Variants in PRDM16 observed in about 807,000 individuals in gnomAD.
The protein encoded by PRDM16 is histone-lysine N-methyltransferase PRDM16.
In PRDM16, 23 loss-of-function variants were observed where a neutral mutation model predicts 110.6. The observed-to-expected ratio is 0.21, with a 90% CI of 0.15 to 0.29. The LOEUF is 0.29. Among genes scored for constraint, PRDM16 ranks in the 10% least tolerant of loss-of-function variants. The probability of loss-of-function intolerance (pLI) is 1.00; values close to 1 mark genes in which losing one functional copy is unlikely to be tolerated. For synonymous variants in PRDM16, 799 were observed against 781.8 expected (o/e 1.02, Z -0.37); for missense variants, 1,615 against 1,794.3 (o/e 0.90, Z 1.81).
chr1:3,273,817 AGTGTGTGTGT>A (rs57550885), intron 3 of PRDM16, among the ~76,000 whole-genome samples: 120 of 137,078 alleles, frequency 8.8e-4, no homozygotes, highest in Admixed American at 3.9e-3. Context: ...TAGGCATGTA[AGTGTGTGTGT>A]GTGTGTGTGT....
In PRDM16 at chr1:3,411,741, C is replaced by G; in HGVS notation, c.1544C>G (p.Pro515Arg). ...PTFPALTPGF[P>R]GIFPPSLYPR... ...TTCCCCGCACTCACCCCCGGCTTCC[C>G]GGGCATCTTCCCTCCATCCTTGTAC... The change falls in exon 9 of 17, where the codon CCG becomes CGG. Residue 515 changes from proline (P) to arginine (R), a missense_variant. By Grantham distance (103) the Pro-to-Arg change is moderately radical (BLOSUM62 -2). This residue lies in a region of PRDM16 where 772 missense variants were observed against 748.3 expected (regional missense o/e 1.03). Transcript: ENST00000270722. 1 of 1,611,672 alleles carries G rather than the reference C, an allele frequency of 6.2e-7. No individual in the cohort carries two copies. Among genetic ancestry groups the G allele is most frequent in the South Asian group, 1.1e-5 (1 of 90,814 alleles).
At chr1:3,367,846 G>A (rs1339041623) in intron 3 of PRDM16, among the ~76,000 whole-genome samples, 1 of 152,106 alleles carries the variant, frequency 6.6e-6, no homozygotes. Context: ...AAATCGAAAA[G>A]GCAAGCTTGT....
chr1:3,424,214 C>T (rs970049577), intron 12 of PRDM16, among the ~76,000 whole-genome samples: 8 of 152,238 alleles, frequency 5.3e-5, no homozygotes, highest in Non-Finnish European at 8.8e-5. Flanking sequence ...TCCCCCTCTT[C>T]GTTTCAGGCA....
At position 3,213,076 on chromosome 1, in the gene PRDM16, C is replaced by G. The variant is rs1246045054; in HGVS notation, c.387+26602C>G. Among the ~76,000 whole-genome samples, 2 of 152,214 alleles carry G rather than the reference C, an allele frequency of 1.3e-5. No homozygotes were observed. Among genetic ancestry groups the G allele is most frequent in the Admixed American group, 6.5e-5 (1 of 15,280 alleles). On this transcript the variant is annotated intron_variant, in intron 2 of 16. Coordinates refer to ENST00000270722, the MANE Select transcript of PRDM16 (RefSeq NM_022114.4). The surrounding 1 kb of genome is among the most constrained non-coding windows in gnomAD (Gnocchi z 5.3). ...GCTCGCCCGCCTGCCGCACGCTTCCCCGGGAGGCCGAGCTCAGGAAGACGC... is the reference window on the plus strand; with the variant it reads ...GCTCGCCCGCCTGCCGCACGCTTCCGCGGGAGGCCGAGCTCAGGAAGACGC...
At chr1:3,429,259 G>T (rs976077706) in intron 14 of PRDM16, among the ~76,000 whole-genome samples, 4 of 152,240 alleles carry the variant, frequency 2.6e-5, no homozygotes, top group African/African-American at 9.6e-5. Context: ...GGCAGCTCTG[G>T]GAAACTGACT....
At chr1:3,273,441 T>C (rs1364971627) in intron 3 of PRDM16, among the ~76,000 whole-genome samples, 1 of 88,140 alleles carries the variant, frequency 1.1e-5, no homozygotes, top group Non-Finnish European at 2.0e-5. Context: ...CGTGCACATG[T>C]GTGTGTGTGG....
chr1:3,338,528 G>A (rs766809667), intron 3 of PRDM16, among the ~76,000 whole-genome samples: 3 of 152,188 alleles, frequency 2.0e-5, no homozygotes, highest in African/African-American at 7.2e-5. Context: ...CGGGGTGCCC[G>A]GGGAAAGCCG....
intron 1 of PRDM16, among the ~76,000 whole-genome samples, chr1:3,118,369 C>G (rs1569601491): frequency 2.0e-5 from 3 of 152,314 alleles, no homozygotes; most frequent in Admixed American, 6.5e-5. Flanking sequence ...GCACCCCCAC[C>G]TGGCCCCTCG....
chr1:3,143,237 A>G lies in PRDM16; in HGVS notation c.38-42888A>G, dbSNP rs1001743252. Reference sequence around the variant, plus strand: ...GGCTCTGATTTTTGCTGGCTGAGACACAGGGACCCCTGGGTGTGCGGGACC... The same window carrying G: ...GGCTCTGATTTTTGCTGGCTGAGACGCAGGGACCCCTGGGTGTGCGGGACC... On this transcript the variant is annotated intron_variant, in intron 1 of 16. Coordinates refer to ENST00000270722, the MANE Select transcript of PRDM16 (RefSeq NM_022114.4). This position sits in a 1 kb window ranked among gnomAD's most constrained non-coding sequence, Gnocchi z 4.5. Among the ~76,000 whole-genome samples the G allele has an allele frequency of 6.6e-6, 1 of 152,064 alleles. No individual in the cohort carries two copies. The highest frequency in any genetic ancestry group is 1.5e-5 in the Non-Finnish European group (1 of 68,018).
At chr1:3,087,289 C>T (rs1005748462) in intron 1 of PRDM16, among the ~76,000 whole-genome samples, 1 of 151,060 alleles carries the variant, frequency 6.6e-6, no homozygotes, top group African/African-American at 2.4e-5. Context: ...GCCAGCCCCA[C>T]CTGAGACCAG....
intron 3 of PRDM16, among the ~76,000 whole-genome samples, chr1:3,331,805 C>T (rs1184868082): frequency 6.6e-6 from 1 of 152,174 alleles, no homozygotes; most frequent in Non-Finnish European, 1.5e-5. Context: ...GTAGGCTCCC[C>T]GCTCGGGTGG....
At chr1:3,384,421 C>T (rs531303492) in intron 3 of PRDM16, among the ~76,000 whole-genome samples, 20 of 152,230 alleles carry the variant, frequency 1.3e-4, no homozygotes, top group South Asian at 8.3e-4. Context: ...GAGGGGACAC[C>T]GTCTCTCCAC....
intron 3 of PRDM16, among the ~76,000 whole-genome samples, chr1:3,343,152 G>A (rs920544537): frequency 2.2e-4 from 33 of 150,860 alleles, no homozygotes; most frequent in African/African-American, 7.1e-4. Flanking sequence ...GGTCCTCACC[G>A]ACACTTAGTG....
At chr1:3,085,749 C>T (rs866278930) in intron 1 of PRDM16, among the ~76,000 whole-genome samples, 17 of 152,330 alleles carry the variant, frequency 1.1e-4, no homozygotes, top group Admixed American at 2.6e-4. Context: ...TCTCTTTCTG[C>T]CGCCTGGGTT....
Position 3,290,561 on chromosome 1 carries a change from C to T in PRDM16, c.438+46424C>T, listed in dbSNP as rs374320597. Among the ~76,000 whole-genome samples, 1 of 152,148 alleles carries T rather than the reference C, an allele frequency of 6.6e-6. No homozygotes were observed. The highest frequency in any genetic ancestry group is 1.5e-5 in the Non-Finnish European group (1 of 68,026). ...GGACAGAGGTGAATGCTTGGGACAG[C>T]GAGAGGTGGCATCACTGAAGAAGCC... On this transcript the variant is annotated intron_variant, in intron 3 of 16. Transcript: ENST00000270722. This position sits in a 1 kb window ranked among gnomAD's most constrained non-coding sequence, Gnocchi z 4.8.
chr1:3,349,907 G>A (rs868718196), intron 3 of PRDM16, among the ~76,000 whole-genome samples: 38 of 152,310 alleles, frequency 2.5e-4, no homozygotes, highest in Non-Finnish European at 3.5e-4. Flanking sequence ...GCCCTCTGCC[G>A]TGAATGTTTA....
At chr1:3,123,369 C>T (rs1442523166) in intron 1 of PRDM16, among the ~76,000 whole-genome samples, 1 of 152,228 alleles carries the variant, frequency 6.6e-6, no homozygotes, top group African/African-American at 2.4e-5. Context: ...ATTTATCAAC[C>T]CCCAAGTGTG....
chr1:3,110,922 G>GA (rs963248832), intron 1 of PRDM16, among the ~76,000 whole-genome samples: 3 of 152,204 alleles, frequency 2.0e-5, no homozygotes, highest in Non-Finnish European at 2.9e-5. Context: ...TGGGGTGGGG[G>GA]ATGGGTCTAA....
intron 2 of PRDM16, among the ~76,000 whole-genome samples, chr1:3,195,673 G>A (rs2100817152): frequency 6.6e-6 from 1 of 151,918 alleles, no homozygotes; most frequent in Non-Finnish European, 1.5e-5. Flanking sequence ...CATCATCAGG[G>A]CTGCCAGCCT....
Sources: gnomAD v4.1 joint callset for allele counts (sites outside exome capture counted in the v4.1 genomes callset) on GRCh38, gnomAD v4.1.1 for gene constraint, gnomAD v4.1.1 regional missense constraint, Gnocchi (gnomAD v3.1) non-coding constraint, MANE v1.5 for transcripts, NCBI Gene and HGNC (gene_info 2026-07-23, HGNC 2026-07-21) for gene names.